Variants in NOVA1 observed in about 807,000 individuals in gnomAD.
NOVA1 encodes the protein RNA-binding protein Nova-1.
In NOVA1, 7 loss-of-function variants were observed where a neutral mutation model predicts 38.0. The observed-to-expected ratio is 0.18, with a 90% CI of 0.10 to 0.35. NOVA1 has a LOEUF of 0.35. Ranked by LOEUF, NOVA1 falls within the 10% of genes least tolerant of loss-of-function variation. The probability of loss-of-function intolerance (pLI) is 1.00; values close to 1 mark genes in which losing one functional copy is unlikely to be tolerated. For synonymous variants in NOVA1, 270 were observed against 232.5 expected (o/e 1.16, Z -1.47); for missense variants, 460 against 616.0 (o/e 0.75, Z 2.68).
chr14:26,573,331 T>C (rs1277166589), intron 2 of NOVA1, among the ~76,000 whole-genome samples: 1 of 151,986 alleles, frequency 6.6e-6, no homozygotes, highest in Non-Finnish European at 1.5e-5. Flanking sequence ...AGTAATAAAA[T>C]GCTGAGAAAA....
intron 3 of NOVA1, among the ~76,000 whole-genome samples, chr14:26,476,990 C>T (rs1244469797): frequency 1.4e-5 from 2 of 148,018 alleles, no homozygotes; most frequent in African/African-American, 5.3e-5. Flanking sequence ...GCTGGGATTA[C>T]AGGCGTGAGC....
chr14:26,575,061 G>C (rs1326063623), intron 2 of NOVA1, among the ~76,000 whole-genome samples: 1 of 152,162 alleles, frequency 6.6e-6, no homozygotes, highest in African/African-American at 2.4e-5. Flanking sequence ...ACGTACTACT[G>C]TTTAGGAGTT....
intron 2 of NOVA1, among the ~76,000 whole-genome samples, chr14:26,560,001 T>C (rs557893590): frequency 5.3e-5 from 8 of 152,160 alleles, no homozygotes; most frequent in African/African-American, 1.9e-4. Context: ...TAAATTATTG[T>C]AATAAATTAT....
chr14:26,577,253 C>A (rs1892913687), intron 2 of NOVA1, among the ~76,000 whole-genome samples: 1 of 152,024 alleles, frequency 6.6e-6, no homozygotes, highest in Admixed American at 6.6e-5. Flanking sequence ...AAACTCAATT[C>A]CCCTAGGTAT....
chr14:26,455,055 G>A (rs1031230460), intron 4 of NOVA1, among the ~76,000 whole-genome samples: 8 of 152,128 alleles, frequency 5.3e-5, no homozygotes, highest in Non-Finnish European at 1.2e-4. Flanking sequence ...AGATTTACAT[G>A]AATAGAAGTA....
intron 2 of NOVA1, among the ~76,000 whole-genome samples, chr14:26,551,826 T>C (rs1212680747): frequency 6.6e-6 from 1 of 152,022 alleles, no homozygotes. Context: ...TATTTTTCTG[T>C]AGATATAAAG....
intron 2 of NOVA1, among the ~76,000 whole-genome samples, chr14:26,491,928 G>A (rs185427484): frequency 1.2e-4 from 18 of 151,234 alleles, no homozygotes; most frequent in Non-Finnish European, 1.6e-4. Flanking sequence ...TTGCAATTCC[G>A]TATGCATTTT....
At chr14:26,567,550 G>C (rs1275782725) in intron 2 of NOVA1, among the ~76,000 whole-genome samples, 1 of 151,908 alleles carries the variant, frequency 6.6e-6, no homozygotes, top group African/African-American at 2.4e-5. Flanking sequence ...CCTGCCTCAA[G>C]CTCTCAAATT....
chr14:26,455,865 A>C (rs1279009170), intron 4 of NOVA1, among the ~76,000 whole-genome samples: 1 of 151,996 alleles, frequency 6.6e-6, no homozygotes, highest in Admixed American at 6.6e-5. Flanking sequence ...TATAATAATA[A>C]ACTATTGCAG....
intron 2 of NOVA1, among the ~76,000 whole-genome samples, chr14:26,547,223 T>C (rs2138624726): frequency 6.6e-6 from 1 of 152,230 alleles, no homozygotes; most frequent in Middle Eastern, 3.4e-3. Flanking sequence ...CTGCCCACAA[T>C]TCTGGCCTTT....
At chr14:26,566,545 CTAT>C (rs1193766948) in intron 2 of NOVA1, among the ~76,000 whole-genome samples, 4 of 152,092 alleles carry the variant, frequency 2.6e-5, no homozygotes, top group East Asian at 1.9e-4. Flanking sequence ...CATTAGTTAA[CTAT>C]TATTATTATC....
chr14:26,554,394 T>C (rs560973279), intron 2 of NOVA1, among the ~76,000 whole-genome samples: 37 of 152,150 alleles, frequency 2.4e-4, no homozygotes, highest in African/African-American at 8.7e-4. Context: ...ACTCACTGGA[T>C]TGAGCAAAGA....
At chr14:26,510,956 A>G (rs1429735524) in intron 2 of NOVA1, among the ~76,000 whole-genome samples, 1 of 152,224 alleles carries the variant, frequency 6.6e-6, no homozygotes, top group Non-Finnish European at 1.5e-5. Context: ...TTGGTTTAAC[A>G]ATTCAATAAA....
intron 2 of NOVA1, among the ~76,000 whole-genome samples, chr14:26,572,456 C>T (rs927487243): frequency 3.3e-5 from 5 of 152,188 alleles, no homozygotes; most frequent in South Asian, 2.1e-4. Flanking sequence ...TATTCATATA[C>T]GCAGTACATA....
chr14:26,475,198 T>C (rs1177460809), intron 3 of NOVA1, among the ~76,000 whole-genome samples: 1 of 152,080 alleles, frequency 6.6e-6, no homozygotes, highest in Non-Finnish European at 1.5e-5. Context: ...ATATTATTAT[T>C]ATCATCATTA....
At chr14:26,508,222 C>A (rs1887790046) in intron 2 of NOVA1, among the ~76,000 whole-genome samples, 2 of 151,990 alleles carry the variant, frequency 1.3e-5, no homozygotes, top group Admixed American at 1.3e-4. Context: ...CTTGTATTAA[C>A]TTCTTTATAA....
intron 2 of NOVA1, among the ~76,000 whole-genome samples, chr14:26,486,725 A>G (rs1354129409): frequency 7.3e-6 from 1 of 136,708 alleles, no homozygotes; most frequent in Admixed American, 7.4e-5. Context: ...AAAAAAAGCC[A>G]AACAAACAAA....
At chr14:26,505,716 A>G (rs1314966442) in intron 2 of NOVA1, among the ~76,000 whole-genome samples, 1 of 152,220 alleles carries the variant, frequency 6.6e-6, no homozygotes, top group Non-Finnish European at 1.5e-5. Flanking sequence ...TCTGAATGGT[A>G]TGATCTAATT....
chr14:26,495,976 T>C lies in NOVA1; in HGVS notation c.281-15833A>G, dbSNP rs1273564405. ...AAACATACGTGTGCATGTGTCTTTATAGCAGCATTATTTATAGTCCTTTGG... is the reference window on the plus strand; with the variant it reads ...AAACATACGTGTGCATGTGTCTTTACAGCAGCATTATTTATAGTCCTTTGG... On this transcript the variant is annotated intron_variant, in intron 2 of 4. Transcript: ENST00000539517. 7.0e-5 allele frequency among the ~76,000 whole-genome samples: 9 copies of C among 128,916 alleles called. No individual in the cohort carries two copies. The Admixed American group carries it at 7.9e-4, about 11-fold the overall frequency. 84.6% of individuals were successfully genotyped at this position (128,916 alleles called of 152,430 possible). A position where few individuals can be genotyped will look rare whatever the true frequency, so the allele number is the denominator to read the frequency against.
Sources: gnomAD v4.1 joint callset for allele counts (sites outside exome capture counted in the v4.1 genomes callset) on GRCh38, gnomAD v4.1.1 for gene constraint, MANE v1.5 for transcripts, NCBI Gene and HGNC (gene_info 2026-07-23, HGNC 2026-07-21) for gene names.